UGT2A2: variants seen among roughly 807,000 people sequenced by gnomAD.
UGT2A2 encodes the protein UDP glucuronosyltransferase family 2 member A2, also known as UDP-glucuronosyltransferase 2A2.
A neutral mutation model predicts 50.7 loss-of-function variants in UGT2A2; 60 were observed. The observed-to-expected ratio is 1.18, with a 90% CI of 0.96 to 1.47. The LOEUF is 1.47. UGT2A2 is among the 40% of genes most tolerant of loss of function. The probability of loss-of-function intolerance (pLI) is 0.00; values close to 1 mark genes in which losing one functional copy is unlikely to be tolerated. For missense variants in UGT2A2, 762 were observed against 634.0 expected, an observed-to-expected ratio of 1.20 and a Z score of -2.17; for synonymous variants, 242 against 214.6, an observed-to-expected ratio of 1.13 and a Z score of -1.11.
intron 1 of UGT2A2, among the ~76,000 whole-genome samples, chr4:69,627,440 T>G (rs1040298032): frequency 1.8e-4 from 27 of 149,240 alleles, no homozygotes; most frequent in Middle Eastern, 3.5e-3. Context: ...AGAAATATTT[T>G]TTGTTCCATA....
chr4:69,630,716 A>C (rs1250170184), intron 1 of UGT2A2, among the ~76,000 whole-genome samples: 1 of 152,136 alleles, frequency 6.6e-6, no homozygotes, highest in South Asian at 2.1e-4. Flanking sequence ...AGGATGTATA[A>C]AAATTATATA....
chr4:69,600,713 G>A (rs985529418), intron 1 of UGT2A2, among the ~76,000 whole-genome samples: 3 of 152,032 alleles, frequency 2.0e-5, no homozygotes, highest in Admixed American at 6.6e-5. Flanking sequence ...GCCTCAGGAA[G>A]CATCTAATCA....
intron 1 of UGT2A2, among the ~76,000 whole-genome samples, chr4:69,620,655 CAA>C (rs57029226): frequency 0.033 from 4,292 of 130,674 alleles, 207 homozygotes; most frequent in African/African-American, 0.11. Flanking sequence ...TATATGGAAC[CAA>C]AAAAAAAAAA....
chr4:69,622,848 C>A (rs1277095655), intron 1 of UGT2A2, among the ~76,000 whole-genome samples: 1 of 151,880 alleles, frequency 6.6e-6, no homozygotes, highest in South Asian at 2.1e-4. Context: ...GTCTTGGCTT[C>A]GGTGTAGGAC....
At chr4:69,607,018 C>A (rs1719669157) in intron 1 of UGT2A2, among the ~76,000 whole-genome samples, 1 of 135,680 alleles carries the variant, frequency 7.4e-6, no homozygotes, top group Non-Finnish European at 1.6e-5. Flanking sequence ...GATTCAATGC[C>A]ATCCCCATCA....
At chr4:69,638,809 A>G in intron 1 of UGT2A2, 90 bp downstream of exon 1, 2 of 1,414,134 alleles carry the variant, frequency 1.4e-6, no homozygotes, top group Non-Finnish European at 1.9e-6. Flanking sequence ...TCAGCTCAGC[A>G]TATGCAGTGG....
intron 1 of UGT2A2, among the ~76,000 whole-genome samples, chr4:69,627,035 A>G (rs977525056): frequency 6.6e-6 from 1 of 151,900 alleles, no homozygotes; most frequent in South Asian, 2.1e-4. Flanking sequence ...AATGGCATAT[A>G]AAACTCAAGA....
At chr4:69,593,566 A>G (rs1020020080) in intron 5 of UGT2A2, among the ~76,000 whole-genome samples, 1 of 151,488 alleles carries the variant, frequency 6.6e-6, no homozygotes, top group African/African-American at 2.4e-5. Flanking sequence ...AGACTTATAT[A>G]TATAATATAC....
intron 1 of UGT2A2, among the ~76,000 whole-genome samples, chr4:69,627,500 G>A (rs1379321106): frequency 6.8e-6 from 1 of 146,668 alleles, no homozygotes; most frequent in African/African-American, 2.5e-5. Flanking sequence ...ATGCAGGAAG[G>A]AAGGAAGGAA....
At chr4:69,621,855 C>T (rs976170091) in intron 1 of UGT2A2, among the ~76,000 whole-genome samples, 1 of 151,726 alleles carries the variant, frequency 6.6e-6, no homozygotes, top group Non-Finnish European at 1.5e-5. Context: ...TTTGCAGGAA[C>T]ATAGATGGAG....
intron 1 of UGT2A2, among the ~76,000 whole-genome samples, chr4:69,633,971 C>A (rs1721528113): frequency 6.6e-6 from 1 of 152,096 alleles, no homozygotes; most frequent in Non-Finnish European, 1.5e-5. Context: ...CCCGGCCGCG[C>A]GCGGTGGCTC....
At chr4:69,595,852 T>C (rs1718891340) in intron 3 of UGT2A2, among the ~76,000 whole-genome samples, 1 of 152,220 alleles carries the variant, frequency 6.6e-6, no homozygotes, top group Non-Finnish European at 1.5e-5. Context: ...ATTCGAATTA[T>C]ATTTTTAGCA....
chr4:69,607,772 C>T (rs1719744632), intron 1 of UGT2A2, among the ~76,000 whole-genome samples: 1 of 152,174 alleles, frequency 6.6e-6, no homozygotes. Context: ...TATGAACAGA[C>T]ACTTCTCAAA....
intron 4 of UGT2A2, 80 bp from the exon 5 acceptor site, chr4:69,594,776 G>C: frequency 6.8e-7 from 1 of 1,472,536 alleles, no homozygotes; most frequent in Non-Finnish European, 9.2e-7. Context: ...GGGTCAAAAA[G>C]CTGTAATGTA....
intron 1 of UGT2A2, among the ~76,000 whole-genome samples, chr4:69,610,497 C>A (rs1281182862): frequency 6.6e-6 from 1 of 152,014 alleles, no homozygotes; most frequent in Non-Finnish European, 1.5e-5. Context: ...ATATTATGCA[C>A]CCTTTAAAAC....
chr4:69,599,119 A>G, intron 2 of UGT2A2, 127 bp downstream of exon 2: 1 of 1,367,694 alleles, frequency 7.3e-7, no homozygotes, highest in Non-Finnish European at 9.6e-7. Context: ...ATCACAAGGA[A>G]AATAGATGTG....
intron 1 of UGT2A2, among the ~76,000 whole-genome samples, chr4:69,629,758 C>G (rs1348245701): frequency 6.6e-6 from 1 of 152,060 alleles, no homozygotes; most frequent in Non-Finnish European, 1.5e-5. Flanking sequence ...GGTCTTTTCT[C>G]TCTCCTTATT....
intron 1 of UGT2A2, 62 bp downstream of exon 1, chr4:69,638,837 A>T (rs1721872424): frequency 6.8e-7 from 1 of 1,461,576 alleles, no homozygotes; most frequent in African/African-American, 1.4e-5. Context: ...ATCGTTTGCC[A>T]TATGACAATA....
chr4:69,600,820 A>C (rs1017478488), intron 1 of UGT2A2, among the ~76,000 whole-genome samples: 5 of 151,302 alleles, frequency 3.3e-5, no homozygotes, highest in Non-Finnish European at 5.9e-5. Flanking sequence ...AAAAAAAAAA[A>C]CAGATCTCGT....
Sources: gnomAD v4.1 joint callset for allele counts (sites outside exome capture counted in the v4.1 genomes callset) on GRCh38, gnomAD v4.1.1 for gene constraint, MANE v1.5 for transcripts, NCBI Gene and HGNC (gene_info 2026-07-23, HGNC 2026-07-21) for gene names.